SLC8A1: variants seen among roughly 807,000 people sequenced by gnomAD.
The protein encoded by SLC8A1 is sodium/calcium exchanger 1.
SLC8A1 carries 18 observed loss-of-function variants against 68.3 expected under a neutral mutation model. The ratio of observed to expected loss-of-function variants is 0.26; its 90% CI spans 0.18 to 0.39. The LOEUF (loss-of-function observed/expected upper bound fraction) is 0.39. Among genes scored for constraint, SLC8A1 ranks in the 10% least tolerant of loss-of-function variants. The pLI is 1.00. For missense variants in SLC8A1, 985 were observed against 1,156.7 expected, an observed-to-expected ratio of 0.85 and a Z score of 2.15; for synonymous variants, 475 against 415.5, an observed-to-expected ratio of 1.14 and a Z score of -1.74.
At chr2:40,467,268 G>A (rs914293838) in intron 1 of SLC8A1, among the ~76,000 whole-genome samples, 7 of 152,108 alleles carry the variant, frequency 4.6e-5, no homozygotes, top group South Asian at 2.1e-4. Context: ...TGAAAATGCT[G>A]TCCTTTTGCA....
intron 2 of SLC8A1, among the ~76,000 whole-genome samples, chr2:40,375,357 T>A (rs901461399): frequency 2.6e-5 from 4 of 152,092 alleles, no homozygotes; most frequent in African/African-American, 9.7e-5. Context: ...CCAATCCAAT[T>A]AGGGAATTTT....
chr2:40,214,196 T>C (rs1239030766), intron 2 of SLC8A1, among the ~76,000 whole-genome samples: 1 of 152,050 alleles, frequency 6.6e-6, no homozygotes, highest in African/African-American at 2.4e-5. Flanking sequence ...CCAAAACATA[T>C]TGCTGGATAT....
At chr2:40,451,785 A>AC (rs1576593602) in intron 1 of SLC8A1, 119 bp downstream of exon 1, 4 of 151,390 alleles carry the variant, frequency 2.6e-5, no homozygotes, top group East Asian at 2.0e-4. Context: ...ACACACACAC[A>AC]AATTTAGAAG....
At chr2:40,410,679 C>T (rs1019839996) in intron 2 of SLC8A1, among the ~76,000 whole-genome samples, 50 of 152,176 alleles carry the variant, frequency 3.3e-4, no homozygotes, top group African/African-American at 1.1e-3. Context: ...CATTACTTCA[C>T]AGTTATCATT....
intron 2 of SLC8A1, among the ~76,000 whole-genome samples, chr2:40,318,861 G>A (rs1432466089): frequency 1.3e-5 from 2 of 151,064 alleles, no homozygotes; most frequent in African/African-American, 4.9e-5. Context: ...TCTGGAAGTT[G>A]TTCTTTTTTT....
At chr2:40,127,557 G>A (rs899554365) in intron 7 of SLC8A1, among the ~76,000 whole-genome samples, 3 of 152,034 alleles carry the variant, frequency 2.0e-5, no homozygotes, top group Non-Finnish European at 4.4e-5. Context: ...GCTTTTTTGC[G>A]ACTATAACTC....
intron 2 of SLC8A1, among the ~76,000 whole-genome samples, chr2:40,321,655 G>T (rs2075204796): frequency 6.6e-6 from 1 of 152,112 alleles, no homozygotes; most frequent in Admixed American, 6.6e-5. Flanking sequence ...GAAGTGCCGA[G>T]TAAAAGCGGG....
At chr2:40,387,286 C>A (rs1250414525) in intron 2 of SLC8A1, among the ~76,000 whole-genome samples, 1 of 151,344 alleles carries the variant, frequency 6.6e-6, no homozygotes, top group African/African-American at 2.5e-5. Flanking sequence ...GTATAGATCA[C>A]CACCTTATTT....
chr2:40,437,397 C>A (rs1699643477), intron 1 of SLC8A1, among the ~76,000 whole-genome samples: 1 of 152,056 alleles, frequency 6.6e-6, no homozygotes, highest in Non-Finnish European at 1.5e-5. Context: ...ATTGTAAGCA[C>A]TTCTATTCGT....
intron 2 of SLC8A1, among the ~76,000 whole-genome samples, chr2:40,332,144 AGGCTTG>A (rs2076480305): frequency 6.6e-6 from 1 of 152,012 alleles, no homozygotes; most frequent in East Asian, 1.9e-4. Flanking sequence ...ATTTACTAAA[AGGCTTG>A]TGTAGTGACT....
At chr2:40,400,200 G>A (rs1294252057) in intron 2 of SLC8A1, among the ~76,000 whole-genome samples, 1 of 152,166 alleles carries the variant, frequency 6.6e-6, no homozygotes. Context: ...GCCCCCGGCC[G>A]AATAAACCCC....
chr2:40,295,417 T>C (rs1303606720), intron 2 of SLC8A1, among the ~76,000 whole-genome samples: 1 of 152,164 alleles, frequency 6.6e-6, no homozygotes, highest in Non-Finnish European at 1.5e-5. Context: ...AAGTAACATA[T>C]TGAATGTAAA....
intron 2 of SLC8A1, among the ~76,000 whole-genome samples, chr2:40,240,199 C>T (rs1297309191): frequency 1.3e-5 from 2 of 152,182 alleles, no homozygotes; most frequent in Non-Finnish European, 2.9e-5. Context: ...ATGATTATCC[C>T]TAGATACAGA....
At chr2:40,175,261 C>A in intron 3 of SLC8A1, 3 of 1,612,892 alleles carry the variant, frequency 1.9e-6, no homozygotes, top group Non-Finnish European at 2.5e-6. Context: ...AAATGCTTAC[C>A]AAGCTCATTC....
chr2:40,227,193 G>A (rs1558843722), intron 2 of SLC8A1, among the ~76,000 whole-genome samples: 1 of 152,014 alleles, frequency 6.6e-6, no homozygotes, highest in African/African-American at 2.4e-5. Flanking sequence ...CTTCTTTATG[G>A]TTCTTTGTTT....
chr2:40,482,370 C>A (rs115004163), intron 1 of SLC8A1, among the ~76,000 whole-genome samples: 5,827 of 152,050 alleles, frequency 0.038, 250 homozygotes, highest in Admixed American at 0.11. Flanking sequence ...CAATATGGGG[C>A]CTACATTAAG....
intron 2 of SLC8A1, among the ~76,000 whole-genome samples, chr2:40,304,223 G>A (rs911298891): frequency 1.3e-5 from 2 of 152,180 alleles, no homozygotes; most frequent in African/African-American, 4.8e-5. Flanking sequence ...GCCCTTCAGA[G>A]ATGTCCTTCC....
intron 1 of SLC8A1, among the ~76,000 whole-genome samples, chr2:40,487,234 G>A (rs953603316): frequency 6.6e-6 from 1 of 151,924 alleles, no homozygotes; most frequent in Non-Finnish European, 1.5e-5. Flanking sequence ...TAGCATGTGA[G>A]GTAAAATCGG....
chr2:40,267,139 C>G (rs1448409592), intron 2 of SLC8A1, among the ~76,000 whole-genome samples: 2 of 152,122 alleles, frequency 1.3e-5, no homozygotes, highest in Non-Finnish European at 2.9e-5. Context: ...AATGGTGAGG[C>G]AATTTCATTA....
Sources: gnomAD v4.1 joint callset for allele counts (sites outside exome capture counted in the v4.1 genomes callset) on GRCh38, gnomAD v4.1.1 for gene constraint, MANE v1.5 for transcripts, NCBI Gene and HGNC (gene_info 2026-07-23, HGNC 2026-07-21) for gene names.